The following SLC24A2 variants were observed in gnomAD, a reference collection of about 807,000 sequenced individuals.
SLC24A2 encodes the protein sodium/potassium/calcium exchanger 2.
SLC24A2 carries 36 observed loss-of-function variants against 62.0 expected under a neutral mutation model. The observed-to-expected ratio is 0.58, with a 90% CI of 0.44 to 0.77. The LOEUF (loss-of-function observed/expected upper bound fraction) is 0.77, where lower values mean the gene tolerates loss of function less well. Among genes scored for constraint, SLC24A2 ranks in the 30% least tolerant of loss-of-function variants. SLC24A2 has a pLI of 0.00. For synonymous variants in SLC24A2, 358 were observed against 294.0 expected, an observed-to-expected ratio of 1.22 and a Z score of -2.23; for missense variants, 846 against 817.9, an observed-to-expected ratio of 1.03 and a Z score of -0.42.
intron 10 of SLC24A2, among the ~76,000 whole-genome samples, chr9:19,519,725 C>T (rs943168442): frequency 6.6e-6 from 1 of 152,148 alleles, no homozygotes; most frequent in Admixed American, 6.5e-5. Context: ...GGGGCAAGAG[C>T]CTCCAAGTCA....
chr9:19,636,168 T>G (rs368065302), intron 2 of SLC24A2, among the ~76,000 whole-genome samples: 1 of 152,190 alleles, frequency 6.6e-6, no homozygotes, highest in Non-Finnish European at 1.5e-5. Context: ...ACCCATTTGC[T>G]GACTGCTGTT....
chr9:20,264,000 C>T, the SLC24A2 span, among the ~76,000 whole-genome samples: 1 of 151,982 alleles, frequency 6.6e-6, no homozygotes, highest in South Asian at 2.1e-4. Context: ...AGCTGGCCCA[C>T]GTATCTGGAA....
the SLC24A2 span, among the ~76,000 whole-genome samples, chr9:20,039,559 G>A: frequency 1.3e-5 from 2 of 152,004 alleles, no homozygotes; most frequent in African/African-American, 4.8e-5. Context: ...AGGGCAGGAG[G>A]TTGGCATTGT....
the SLC24A2 span, among the ~76,000 whole-genome samples, chr9:20,276,828 G>A: frequency 3.3e-5 from 5 of 152,324 alleles, no homozygotes; most frequent in South Asian, 6.2e-4. Context: ...CAAAGTTTGG[G>A]GCTTGCACCC....
the SLC24A2 span, among the ~76,000 whole-genome samples, chr9:20,207,887 T>C: frequency 6.6e-6 from 1 of 152,246 alleles, no homozygotes; most frequent in African/African-American, 2.4e-5. Context: ...CACAAGTTTC[T>C]ACAGAGTTTG....
At chr9:20,199,885 ATTT>A in the SLC24A2 span, among the ~76,000 whole-genome samples, 35 of 132,012 alleles carry the variant, frequency 2.7e-4, no homozygotes, top group Admixed American at 6.9e-4. Context: ...TGCCTGGCTA[ATTT>A]TTTTTTTTTT....
the SLC24A2 span, among the ~76,000 whole-genome samples, chr9:20,230,894 T>G: frequency 6.6e-6 from 1 of 152,222 alleles, no homozygotes; most frequent in East Asian, 1.9e-4. Context: ...TTAATCCATC[T>G]TCAATTAATT....
At chr9:19,906,736 G>T in the SLC24A2 span, among the ~76,000 whole-genome samples, 7 of 152,072 alleles carry the variant, frequency 4.6e-5, no homozygotes, top group African/African-American at 1.7e-4. Context: ...AGAAGAAATG[G>T]ATAAATCCCT....
chr9:20,068,328 C>A, the SLC24A2 span, among the ~76,000 whole-genome samples: 7 of 152,084 alleles, frequency 4.6e-5, no homozygotes. Context: ...TCCCAAAGTG[C>A]CGGAATTACA....
rs571681021 is a variant in SLC24A2, at chr9:19,578,228, T to A, written c.1130-1206A>T. ...AAATACCACCTGTACCCCAATAACT[T>A]ATGGAAACATAAAAAAAGTTACTAG... is the stretch of plus-strand genomic sequence containing the variant. On this transcript the variant is annotated intron_variant, in intron 5 of 10. Transcript: ENST00000341998. Among the ~76,000 whole-genome samples, 4 of 152,094 alleles carry A rather than the reference T, an allele frequency of 2.6e-5. No homozygotes were observed. In the East Asian group the frequency reaches 7.7e-4, roughly 29 times the overall value.
At chr9:20,216,684 T>G in the SLC24A2 span, among the ~76,000 whole-genome samples, 1 of 152,190 alleles carries the variant, frequency 6.6e-6, no homozygotes, top group Non-Finnish European at 1.5e-5. Flanking sequence ...TATCACTCTG[T>G]TCTTTGTTAG....
At chr9:19,853,418 C>G in the SLC24A2 span, among the ~76,000 whole-genome samples, 2 of 152,116 alleles carry the variant, frequency 1.3e-5, no homozygotes, top group Admixed American at 1.3e-4. Flanking sequence ...AGCTTTTGCT[C>G]TTTCAGTATT....
chr9:19,910,468 G>A, the SLC24A2 span, among the ~76,000 whole-genome samples: 2 of 152,010 alleles, frequency 1.3e-5, no homozygotes, highest in South Asian at 4.1e-4. Flanking sequence ...TCACCCTTAT[G>A]CTTATAACCC....
chr9:20,025,746 C>T, the SLC24A2 span, among the ~76,000 whole-genome samples: 1 of 152,096 alleles, frequency 6.6e-6, no homozygotes, highest in Non-Finnish European at 1.5e-5. Flanking sequence ...AGATCATAAC[C>T]TTTGGCTGGT....
chr9:20,256,128 T>C, the SLC24A2 span, among the ~76,000 whole-genome samples: 3 of 152,250 alleles, frequency 2.0e-5, no homozygotes, highest in African/African-American at 7.2e-5. Context: ...ATTATTTCAC[T>C]GCCCTCATGG....
At chr9:20,046,179 C>T in the SLC24A2 span, among the ~76,000 whole-genome samples, 1 of 152,236 alleles carries the variant, frequency 6.6e-6, no homozygotes, top group South Asian at 2.1e-4. Flanking sequence ...GGCACTGAGG[C>T]TGAATGGCCC....
the SLC24A2 span, among the ~76,000 whole-genome samples, chr9:19,840,593 T>C: frequency 3.9e-5 from 6 of 152,304 alleles, no homozygotes; most frequent in African/African-American, 4.8e-5. Flanking sequence ...TGTAACTTTA[T>C]ATTTATTTTG....
intron 2 of SLC24A2, among the ~76,000 whole-genome samples, chr9:19,706,988 A>G (rs1407890315): frequency 1.3e-5 from 2 of 152,102 alleles, no homozygotes; most frequent in East Asian, 3.9e-4. Context: ...GAAAGGATCA[A>G]CAAAATTGAT....
At chr9:20,260,163 G>A in the SLC24A2 span, among the ~76,000 whole-genome samples, 1 of 152,230 alleles carries the variant, frequency 6.6e-6, no homozygotes, top group Non-Finnish European at 1.5e-5. Flanking sequence ...TCATTAGTGA[G>A]CTTAGTGCCA....
Sources: gnomAD v4.1 joint callset for allele counts (sites outside exome capture counted in the v4.1 genomes callset) on GRCh38, gnomAD v4.1.1 for gene constraint, MANE v1.5 for transcripts, NCBI Gene and HGNC (gene_info 2026-07-23, HGNC 2026-07-21) for gene names.